The following CDK19 variants were observed in gnomAD, a reference collection of about 807,000 sequenced individuals.
CDK19 encodes cyclin dependent kinase 19, also known as cyclin-dependent kinase 19.
A neutral mutation model predicts 68.3 loss-of-function variants in CDK19; 20 were observed. That is an observed-to-expected ratio of 0.29 (90% CI 0.21 to 0.43). The LOEUF is 0.43. CDK19 is among the 20% of genes least tolerant of loss of function. The pLI, the probability that CDK19 is intolerant of heterozygous loss-of-function variation, is 1.00. For missense variants in CDK19, 339 were observed against 623.5 expected, an observed-to-expected ratio of 0.54 and a Z score of 4.86; for synonymous variants, 221 against 222.8, an observed-to-expected ratio of 0.99 and a Z score of 0.07.
chr6:110,777,559 C>T (rs1780495856), intron 1 of CDK19, among the ~76,000 whole-genome samples: 2 of 152,118 alleles, frequency 1.3e-5, no homozygotes, highest in Admixed American at 1.3e-4. Context: ...TAAAATGGTG[C>T]AGTTGCTATG....
intron 2 of CDK19, among the ~76,000 whole-genome samples, chr6:110,733,158 G>A (rs868823742): frequency 6.6e-6 from 1 of 152,006 alleles, no homozygotes; most frequent in Non-Finnish European, 1.5e-5. Context: ...ATCACAATAC[G>A]TATTTCTGTC....
intron 3 of CDK19, among the ~76,000 whole-genome samples, chr6:110,670,215 G>C (rs62420296): frequency 0.097 from 13,897 of 143,930 alleles, 813 homozygotes; most frequent in Admixed American, 0.13. Flanking sequence ...AAATCTTTCT[G>C]AAGTAAAATT....
chr6:110,630,471 A>C (rs1779368802), intron 6 of CDK19, among the ~76,000 whole-genome samples: 1 of 152,174 alleles, frequency 6.6e-6, no homozygotes, highest in African/African-American at 2.4e-5. Flanking sequence ...TGTTTTCAAT[A>C]GTGGGTAAGG....
intron 2 of CDK19, among the ~76,000 whole-genome samples, chr6:110,720,248 G>A (rs1393568128): frequency 6.6e-6 from 1 of 152,150 alleles, no homozygotes. Flanking sequence ...TGACAAGGCA[G>A]TGATTCAAAG....
chr6:110,692,402 A>G lies in CDK19; in HGVS notation c.205-21861T>C, dbSNP rs570902522. Among the ~76,000 whole-genome samples the G allele has an allele frequency of 5.9e-5, 9 of 152,230 alleles. No individual in the cohort carries two copies. In the South Asian group the frequency reaches 1.5e-3, roughly 25 times the overall value. On this transcript the variant is annotated intron_variant, in intron 2 of 12. Transcript: ENST00000368911. ...GTAGAAGAAAGAATTTCAGGCTCGA[A>G]GCTAAGGCTTTTGAACTAACCCAAT...
chr6:110,815,257 GCCGCC>G lies in CDK19; in HGVS notation c.-126_-122del. The G allele has an allele frequency of 1.5e-5, 15 of 1,022,336 alleles. No individual in the cohort carries two copies. Among genetic ancestry groups the G allele is most frequent in the African/African-American group, 3.5e-5 (2 of 57,410 alleles). The allele number at this position is 1,022,336 out of a possible 1,614,324, so 63.3% of individuals were successfully genotyped here. On this transcript the variant is annotated 5_prime_UTR_variant, in exon 1 of 13. Coordinates refer to ENST00000368911, the MANE Select transcript of CDK19 (RefSeq NM_015076.5). ...AGCCGCCTCTCGCGCGCGCGCGCGC[GCCGCC>G]CGCCGCCCGCCGCTCCGCGGTCCGC...
intron 1 of CDK19, among the ~76,000 whole-genome samples, chr6:110,750,891 A>C (rs918504620): frequency 6.6e-6 from 1 of 152,146 alleles, no homozygotes; most frequent in African/African-American, 2.4e-5. Flanking sequence ...GCTGGAGTGC[A>C]GTGGTGCAAT....
At chr6:110,772,434 G>A (rs1372864037) in intron 1 of CDK19, among the ~76,000 whole-genome samples, 3 of 151,828 alleles carry the variant, frequency 2.0e-5, no homozygotes, top group Non-Finnish European at 4.4e-5. Context: ...GGAATTATGG[G>A]AGTACAATTC....
At chr6:110,650,798 A>G (rs952615256) in intron 4 of CDK19, among the ~76,000 whole-genome samples, 3 of 152,156 alleles carry the variant, frequency 2.0e-5, no homozygotes, top group African/African-American at 7.2e-5. Context: ...AATTATAAAG[A>G]GAGGAAACCC....
intron 2 of CDK19, among the ~76,000 whole-genome samples, chr6:110,704,559 G>T (rs1182292292): frequency 6.6e-6 from 1 of 152,062 alleles, no homozygotes; most frequent in Non-Finnish European, 1.5e-5. Context: ...GTCAGCAAAT[G>T]ATCTCTTGTA....
At chr6:110,662,411 G>A (rs569689149) in intron 4 of CDK19, among the ~76,000 whole-genome samples, 5 of 152,168 alleles carry the variant, frequency 3.3e-5, no homozygotes, top group African/African-American at 1.2e-4. Flanking sequence ...CTAACTGATA[G>A]TTCAATTTAT....
At chr6:110,805,345 C>T (rs1483653145) in intron 1 of CDK19, among the ~76,000 whole-genome samples, 1 of 152,046 alleles carries the variant, frequency 6.6e-6, no homozygotes, top group Non-Finnish European at 1.5e-5. Flanking sequence ...ACAAGTTGAT[C>T]TTTAAAAAAA....
chr6:110,759,078 G>A (rs543205305), intron 1 of CDK19, among the ~76,000 whole-genome samples: 16 of 151,992 alleles, frequency 1.1e-4, no homozygotes, highest in African/African-American at 3.6e-4. Context: ...CCTGGTCAAC[G>A]TAGCAAGACC....
intron 4 of CDK19, chr6:110,643,243 T>A (rs1445111999): frequency 8.1e-7 from 1 of 1,237,138 alleles, no homozygotes; most frequent in Non-Finnish European, 1.1e-6. Flanking sequence ...AAGACACAGG[T>A]ATTTCCATAG....
intron 1 of CDK19, among the ~76,000 whole-genome samples, chr6:110,802,881 A>G (rs73532110): frequency 0.019 from 2,960 of 152,342 alleles, 101 homozygotes; most frequent in African/African-American, 0.068. Context: ...AAAATTGCTC[A>G]GCTTCTCTGA....
chr6:110,770,648 T>C (rs1239464822), intron 1 of CDK19, among the ~76,000 whole-genome samples: 3 of 152,154 alleles, frequency 2.0e-5, no homozygotes, highest in Non-Finnish European at 1.5e-5. Flanking sequence ...AAACCAATCA[T>C]GCCTTCCCAA....
chr6:110,654,620 T>A (rs1351893242), intron 4 of CDK19, among the ~76,000 whole-genome samples: 1 of 152,212 alleles, frequency 6.6e-6, no homozygotes, highest in Non-Finnish European at 1.5e-5. Flanking sequence ...AAGGTATAAG[T>A]GTCCTCTGAG....
intron 2 of CDK19, among the ~76,000 whole-genome samples, chr6:110,712,135 T>G (rs956318695): frequency 2.0e-5 from 3 of 152,194 alleles, no homozygotes; most frequent in African/African-American, 7.2e-5. Flanking sequence ...CTACTCCTCC[T>G]GTAAAAAAAG....
chr6:110,738,501 C>T (rs1030871359), intron 2 of CDK19, among the ~76,000 whole-genome samples: 1 of 152,042 alleles, frequency 6.6e-6, no homozygotes, highest in Non-Finnish European at 1.5e-5. Flanking sequence ...GCCTGGGTGA[C>T]AGAGCAAGAC....
Sources: gnomAD v4.1 joint callset for allele counts (sites outside exome capture counted in the v4.1 genomes callset) on GRCh38, gnomAD v4.1.1 for gene constraint, MANE v1.5 for transcripts, NCBI Gene and HGNC (gene_info 2026-07-23, HGNC 2026-07-21) for gene names.